UBE2E2: variants seen among roughly 807,000 people sequenced by gnomAD.
UBE2E2 encodes ubiquitin-conjugating enzyme E2 E2.
In UBE2E2, 6 loss-of-function variants were observed where a neutral mutation model predicts 24.7. That is an observed-to-expected ratio of 0.24 (90% CI 0.13 to 0.48). The LOEUF (loss-of-function observed/expected upper bound fraction) is 0.48. Ranked by LOEUF, UBE2E2 falls within the 20% of genes least tolerant of loss-of-function variation. The pLI, the probability that UBE2E2 is intolerant of heterozygous loss-of-function variation, is 0.99. For missense variants in UBE2E2, 169 were observed against 245.0 expected (o/e 0.69, Z 2.07); for synonymous variants, 104 against 83.6 (o/e 1.24, Z -1.33).
chr3:23,457,485 T>A (rs1698704816), intron 3 of UBE2E2, among the ~76,000 whole-genome samples: 1 of 152,214 alleles, frequency 6.6e-6, no homozygotes, highest in African/African-American at 2.4e-5. Context: ...CTGGATAACT[T>A]GCTGCAGCTT....
chr3:23,285,492 A>G (rs1383752855), intron 3 of UBE2E2, among the ~76,000 whole-genome samples: 2 of 152,194 alleles, frequency 1.3e-5, no homozygotes, highest in Non-Finnish European at 2.9e-5. Flanking sequence ...GTTCCCACCA[A>G]CAGTGTACAA....
chr3:23,429,175 G>A (rs1400621386), intron 3 of UBE2E2, among the ~76,000 whole-genome samples: 2 of 152,032 alleles, frequency 1.3e-5, no homozygotes, highest in Non-Finnish European at 2.9e-5. Context: ...AAAGCACCAG[G>A]CCCAGACTGG....
chr3:23,351,256 C>A (rs1328582473), intron 3 of UBE2E2, among the ~76,000 whole-genome samples: 4 of 152,202 alleles, frequency 2.6e-5, no homozygotes, highest in Non-Finnish European at 1.5e-5. Flanking sequence ...TGGAAAGGAA[C>A]AACCGGTACC....
chr3:23,515,603 T>C (rs1340682251), intron 4 of UBE2E2, among the ~76,000 whole-genome samples: 1 of 152,102 alleles, frequency 6.6e-6, no homozygotes, highest in East Asian at 1.9e-4. Flanking sequence ...CTGTAAAAAT[T>C]AGACAGACAC....
At chr3:23,441,062 A>G (rs187080439) in intron 3 of UBE2E2, among the ~76,000 whole-genome samples, 2 of 152,220 alleles carry the variant, frequency 1.3e-5, no homozygotes, top group African/African-American at 4.8e-5. Flanking sequence ...ACTGAGCTCC[A>G]GTACAAAAGA....
intron 3 of UBE2E2, among the ~76,000 whole-genome samples, chr3:23,466,877 C>CT (rs1698930765): frequency 2.6e-5 from 4 of 152,132 alleles, no homozygotes; most frequent in Non-Finnish European, 5.9e-5. Context: ...GTCCCAGAGT[C>CT]TTATTTCCTT....
At position 23,409,941 on chromosome 3, in the gene UBE2E2, A is replaced by G. The variant is rs77990628; in HGVS notation, c.228-89667A>G. 5.6e-4 allele frequency among the ~76,000 whole-genome samples: 86 copies of G among 152,266 alleles called. 3 individuals carry two copies. In the East Asian group the frequency reaches 0.015, roughly 27 times the overall value. ...AATACTGTCATCTTTTCTCTTATAC[A>G]GTCACCAGTTACTGGATGTAGAGCC... On this transcript the variant is annotated intron_variant, in intron 3 of 5. Transcript: ENST00000396703.
At chr3:23,272,463 G>A (rs1325274511) in intron 3 of UBE2E2, among the ~76,000 whole-genome samples, 1 of 152,208 alleles carries the variant, frequency 6.6e-6, no homozygotes, top group Non-Finnish European at 1.5e-5. Context: ...CAGTGCAGCA[G>A]CGGACTGATG....
chr3:23,382,389 C>T (rs1255583633), intron 3 of UBE2E2, among the ~76,000 whole-genome samples: 1 of 151,826 alleles, frequency 6.6e-6, no homozygotes. Context: ...ACCATGTTGG[C>T]CAGGCTGGTC....
chr3:23,412,446 T>C (rs943588092), intron 3 of UBE2E2, among the ~76,000 whole-genome samples: 87 of 151,654 alleles, frequency 5.7e-4, no homozygotes, highest in Non-Finnish European at 1.1e-3. Context: ...TGATGTTTCC[T>C]GCTAAGCATT....
chr3:23,353,197 A>T (rs1280629063), intron 3 of UBE2E2, among the ~76,000 whole-genome samples: 1 of 152,240 alleles, frequency 6.6e-6, no homozygotes, highest in African/African-American at 2.4e-5. Flanking sequence ...ACTTCATGCT[A>T]AAAACTCTCA....
At chr3:23,378,042 A>G (rs115313972) in intron 3 of UBE2E2, among the ~76,000 whole-genome samples, 1,756 of 152,144 alleles carry the variant, frequency 0.012, 25 homozygotes, top group African/African-American at 0.037. Flanking sequence ...TCCTTCCATA[A>G]TATTTTCTTA....
chr3:23,323,786 C>T (rs1694811247), intron 3 of UBE2E2, among the ~76,000 whole-genome samples: 1 of 151,956 alleles, frequency 6.6e-6, no homozygotes, highest in South Asian at 2.1e-4. Flanking sequence ...TGAAGGCTGC[C>T]GTTTTTCACA....
rs1697400790 is a variant in UBE2E2 at position 23,407,788 on chromosome 3, C to T, written c.228-91820C>T. Among the ~76,000 whole-genome samples, 1 of 151,958 alleles carries T rather than the reference C, an allele frequency of 6.6e-6. No individual in the cohort carries two copies. The highest frequency in any genetic ancestry group is 2.1e-4 in the South Asian group (1 of 4,820). On this transcript the variant is annotated intron_variant, in intron 3 of 5. Coordinates refer to ENST00000396703, the MANE Select transcript of UBE2E2 (RefSeq NM_152653.4). The surrounding 1 kb of genome is among the most constrained non-coding windows in gnomAD (Gnocchi z 4.0). Reference sequence around the variant, plus strand: ...AAACTTTGAGGTCTGTTACCTCTGCCTCTGCTTACCCTTCTGGGAAATAGT... The same window carrying T: ...AAACTTTGAGGTCTGTTACCTCTGCTTCTGCTTACCCTTCTGGGAAATAGT...
intron 3 of UBE2E2, among the ~76,000 whole-genome samples, chr3:23,298,819 G>C (rs1698988490): frequency 6.6e-6 from 1 of 152,130 alleles, no homozygotes; most frequent in African/African-American, 2.4e-5. Flanking sequence ...AGTTAGGGAG[G>C]ATTCCCTCTT....
At chr3:23,575,020 G>A (rs886407460) in intron 5 of UBE2E2, among the ~76,000 whole-genome samples, 5 of 152,150 alleles carry the variant, frequency 3.3e-5, no homozygotes, top group Admixed American at 2.6e-4. Context: ...TCAGATTAGG[G>A]CTACTCAGCC....
chr3:23,471,354 A>G (rs1699029874), intron 3 of UBE2E2, among the ~76,000 whole-genome samples: 1 of 152,226 alleles, frequency 6.6e-6, no homozygotes, highest in Non-Finnish European at 1.5e-5. Context: ...CCTCAAAGCT[A>G]AGTATCCTTA....
intron 3 of UBE2E2, among the ~76,000 whole-genome samples, chr3:23,363,272 G>T (rs1696169759): frequency 6.6e-6 from 1 of 152,184 alleles, no homozygotes; most frequent in Non-Finnish European, 1.5e-5. Flanking sequence ...CTAACAACAT[G>T]ATGATGAAAT....
chr3:23,348,025 A>G (rs1241012695), intron 3 of UBE2E2, among the ~76,000 whole-genome samples: 1 of 152,196 alleles, frequency 6.6e-6, no homozygotes, highest in Non-Finnish European at 1.5e-5. Context: ...GAAGGGGTTC[A>G]TAAGCACCCT....
Sources: allele counts gnomAD v4.1 joint callset (sites outside exome capture counted in the v4.1 genomes callset), GRCh38; gene constraint gnomAD v4.1.1; non-coding constraint Gnocchi (gnomAD v3.1); transcripts MANE v1.5; gene names NCBI Gene and HGNC (gene_info 2026-07-23, HGNC 2026-07-21).